SOD2: variants seen among roughly 807,000 people sequenced by gnomAD.
SOD2 encodes superoxide dismutase [Mn], mitochondrial.
Under a neutral mutation model 27.0 loss-of-function variants are expected in SOD2, and 11 were observed. The ratio of observed to expected loss-of-function variants is 0.41; its 90% CI spans 0.26 to 0.67. The LOEUF is 0.67. SOD2 is among the 30% of genes least tolerant of loss of function. The pLI is 0.34. For missense variants in SOD2, 250 were observed against 274.5 expected, an observed-to-expected ratio of 0.91 and a Z score of 0.63; for synonymous variants, 105 against 103.0, an observed-to-expected ratio of 1.02 and a Z score of -0.12.
At chr6:159,692,600 C>A (rs1216500876) in intron 2 of SOD2, 61 bp downstream of exon 2, 1 of 1,601,932 alleles carries the variant, frequency 6.2e-7, no homozygotes, top group Admixed American at 1.7e-5. Context: ...CCGTATGGGG[C>A]CTGGCTCCCT....
chr6:159,757,145 TATG>T (rs1013519718), intron 1 of SOD2, among the ~76,000 whole-genome samples: 1 of 152,348 alleles, frequency 6.6e-6, no homozygotes, highest in Non-Finnish European at 1.5e-5. Flanking sequence ...AGTATAAAAG[TATG>T]ATATTGAATG....
At chr6:159,693,407 C>A, upstream of SOD2, 1 of 168,118 alleles carries the variant, frequency 5.9e-6, no homozygotes, top group South Asian at 1.8e-4. Context: ...CCCGCCCGCC[C>A]GCGCTTGCCG....
At chr6:159,710,404 G>A (rs1354231805) in intron 1 of SOD2, among the ~76,000 whole-genome samples, 1 of 151,742 alleles carries the variant, frequency 6.6e-6, no homozygotes, top group South Asian at 2.1e-4. Context: ...AGCCAAGATC[G>A]TGCCACTGCA....
At chr6:159,736,346 G>T in intron 1 of SOD2, 1 of 1,387,892 alleles carries the variant, frequency 7.2e-7, no homozygotes, top group Non-Finnish European at 1.0e-6. Flanking sequence ...TTTTTTGGGG[G>T]CTTTTTTAAG....
Position 159,672,594 on chromosome 6 carries a change from A to C in SOD2, c.*9899T>G, listed in dbSNP as rs1779690911. The C allele has an allele frequency of 6.6e-6, 1 of 152,212 alleles. No individual in the cohort carries two copies. The allele number at this position is 152,212 out of a possible 1,614,324, so 9.4% of individuals were successfully genotyped here. On this transcript the variant is annotated 3_prime_UTR_variant, in exon 5 of 5. Coordinates refer to ENST00000538183, the MANE Select transcript of SOD2 (RefSeq NM_000636.4). ...CCTTACAAGAGCTCCTGAAGGAAGCACTAAACATGGAATGGAACAACCAGT... is the reference window on the plus strand; with the variant it reads ...CCTTACAAGAGCTCCTGAAGGAAGCCCTAAACATGGAATGGAACAACCAGT...
At chr6:159,706,265 T>C (rs991653620) in intron 1 of SOD2, among the ~76,000 whole-genome samples, 18 of 152,008 alleles carry the variant, frequency 1.2e-4, no homozygotes, top group East Asian at 1.2e-3. Flanking sequence ...TCACACATAA[T>C]AATATTAACC....
rs186113967 is a variant in SOD2, at chr6:159,709,850, A to C, written c.-115-16987T>G. 3.0e-4 allele frequency among the ~76,000 whole-genome samples: 45 copies of C among 152,298 alleles called. No individual in the cohort carries two copies. The East Asian group carries it at 6.4e-3, about 22-fold the overall frequency. On this transcript the variant is annotated intron_variant, in intron 1 of 2. Coordinates refer to the SOD2 transcript ENST00000401980. ...TATTGCGGCACTACTCACAATAGCA[A>C]AGACCTGGAGCCAACCCAAATGTCC... is the stretch of plus-strand genomic sequence containing the variant.
intron 1 of SOD2, chr6:159,727,049 T>C: frequency 8.2e-7 from 1 of 1,220,318 alleles, no homozygotes; most frequent in Non-Finnish European, 1.0e-6. Context: ...GGCGAGTACT[T>C]CCACCTTCCC....
chr6:159,728,114 C>G (rs936124804), upstream of SOD2, among the ~76,000 whole-genome samples: 2 of 152,388 alleles, frequency 1.3e-5, no homozygotes, highest in South Asian at 2.1e-4. Context: ...AACATTCGTT[C>G]CCTACATTTC....
chr6:159,690,448 A>T (rs1424973579), intron 2 of SOD2, among the ~76,000 whole-genome samples: 1 of 150,912 alleles, frequency 6.6e-6, no homozygotes, highest in Non-Finnish European at 1.5e-5. Flanking sequence ...AGACAGAATT[A>T]AAAAAAAAAT....
intron 1 of SOD2, among the ~76,000 whole-genome samples, chr6:159,710,936 C>G (rs999789136): frequency 8.4e-6 from 1 of 118,588 alleles, no homozygotes; most frequent in African/African-American, 2.8e-5. Flanking sequence ...TAACCACCTC[C>G]ATAACCACCA....
intron 1 of SOD2, among the ~76,000 whole-genome samples, chr6:159,756,594 C>CTTTTTTTTTTT (rs3066261): frequency 2.6e-4 from 25 of 94,378 alleles, no homozygotes; most frequent in South Asian, 4.1e-4. Context: ...ATTTCTTAGG[C>CTTTTTTTTTTT]TTTTTTTTTT....
At chr6:159,699,858 G>A (rs1777493921) in intron 1 of SOD2, among the ~76,000 whole-genome samples, 1 of 152,120 alleles carries the variant, frequency 6.6e-6, no homozygotes, top group Non-Finnish European at 1.5e-5. Context: ...TACACAGGAG[G>A]AGTGGCCTCG....
rs1779676139 is a variant in SOD2, at chr6:159,671,997, T to G, written c.*10496A>C. The G allele has an allele frequency of 1.3e-5, 2 of 152,118 alleles. No homozygotes were observed. Among genetic ancestry groups the G allele is most frequent in the African/African-American group, 4.8e-5 (2 of 41,418 alleles). The allele number at this position is 152,118 out of a possible 1,614,324, so 9.4% of individuals were successfully genotyped here. A position where few individuals can be genotyped will look rare whatever the true frequency, so the allele number is the denominator to read the frequency against. On this transcript the variant is annotated 3_prime_UTR_variant, in exon 5 of 5. Transcript: ENST00000538183. ...AACTGGAAGAAAGGTTATCAGTGAT[T>G]GAAGATCAGATGAATGAAATGAAGT...
chr6:159,726,850 AC>A (rs1349207875), intron 1 of SOD2: 8 of 1,289,114 alleles, frequency 6.2e-6, no homozygotes, highest in Non-Finnish European at 8.1e-6. Flanking sequence ...CTCAAAACTT[AC>A]AGGTGAGCTT....
upstream of SOD2, among the ~76,000 whole-genome samples, chr6:159,746,507 C>G (rs56306493): frequency 2.7e-5 from 3 of 110,294 alleles, no homozygotes; most frequent in Admixed American, 9.1e-5. Flanking sequence ...GTCCAGCATA[C>G]TAACTCATCC....
At chr6:159,684,187 C>G (rs1047324064) in intron 4 of SOD2, among the ~76,000 whole-genome samples, 1 of 152,160 alleles carries the variant, frequency 6.6e-6, no homozygotes, top group Non-Finnish European at 1.5e-5. Flanking sequence ...GAGGAGGTAA[C>G]AGTACAAGCT....
At chr6:159,726,555 C>G (rs1271745305) in intron 1 of SOD2, 1 of 343,184 alleles carries the variant, frequency 2.9e-6, no homozygotes, top group Non-Finnish European at 5.8e-6. Flanking sequence ...TTCACGTTCT[C>G]CAGGTAACAC....
rs1315344573 is a variant in SOD2 at position 159,675,411 on chromosome 6, T to G, written c.*7082A>C. 1 of 152,026 alleles carries G rather than the reference T, an allele frequency of 6.6e-6. No individual in the cohort carries two copies. The highest frequency in any genetic ancestry group is 1.5e-5 in the Non-Finnish European group (1 of 68,020). 9.4% of individuals were successfully genotyped at this position (152,026 alleles called of 1,614,324 possible). On this transcript the variant is annotated 3_prime_UTR_variant, in exon 5 of 5. Coordinates refer to ENST00000538183, the MANE Select transcript of SOD2 (RefSeq NM_000636.4). ...GTACCAAAACAGAGATATAGACCAA[T>G]GGAACAGAACAGAGCCCTCAGAAAT...
Sources: allele counts gnomAD v4.1 joint callset (sites outside exome capture counted in the v4.1 genomes callset), GRCh38; gene constraint gnomAD v4.1.1; transcripts MANE v1.5; gene names NCBI Gene and HGNC (gene_info 2026-07-23, HGNC 2026-07-21).